Variants in RPS6KA2 observed in about 807,000 individuals in gnomAD.
RPS6KA2 encodes ribosomal protein S6 kinase alpha-2.
In RPS6KA2, 42 loss-of-function variants were observed where a neutral mutation model predicts 91.8. The ratio of observed to expected loss-of-function variants is 0.46; its 90% CI spans 0.36 to 0.59. The LOEUF (loss-of-function observed/expected upper bound fraction) is 0.59. Among genes scored for constraint, RPS6KA2 ranks in the 20% least tolerant of loss-of-function variants. RPS6KA2 has a pLI of 0.00. For missense variants in RPS6KA2, 798 were observed against 978.5 expected (o/e 0.82, Z 2.46); for synonymous variants, 414 against 393.6 (o/e 1.05, Z -0.61).
intron 10 of RPS6KA2, among the ~76,000 whole-genome samples, chr6:166,480,505 ATATATATATAATATATT>A (rs1562523921): frequency 4.2e-5 from 4 of 95,594 alleles, no homozygotes; most frequent in African/African-American, 1.4e-4. Flanking sequence ...ATATATATAT[ATATATATATAATATATT>A]TTTTTTTTTT....
At chr6:166,684,538 T>C (rs1788947186) in intron 2 of RPS6KA2, among the ~76,000 whole-genome samples, 1 of 152,092 alleles carries the variant, frequency 6.6e-6, no homozygotes, top group Admixed American at 6.5e-5. Context: ...CAAGACCCTT[T>C]GAAGGCTAAG....
intron 2 of RPS6KA2, among the ~76,000 whole-genome samples, chr6:166,816,868 C>T (rs940408978): frequency 6.6e-6 from 1 of 152,144 alleles, no homozygotes; most frequent in Non-Finnish European, 1.5e-5. Context: ...GGTAGTGCTC[C>T]ACAGAGCACC....
intron 2 of RPS6KA2, among the ~76,000 whole-genome samples, chr6:166,803,288 T>C (rs1233555441): frequency 6.6e-6 from 1 of 152,246 alleles, no homozygotes; most frequent in Non-Finnish European, 1.5e-5. Flanking sequence ...TTGCATCAAA[T>C]GTATGCAAAA....
chr6:166,844,919 T>G (rs1362211209), intron 2 of RPS6KA2, among the ~76,000 whole-genome samples: 1 of 152,026 alleles, frequency 6.6e-6, no homozygotes, highest in Admixed American at 6.5e-5. Context: ...ATGAAAAGAA[T>G]AGTACCTCAC....
intron 3 of RPS6KA2, among the ~76,000 whole-genome samples, chr6:166,513,432 G>A (rs926016788): frequency 1.8e-4 from 28 of 152,210 alleles, no homozygotes; most frequent in African/African-American, 6.8e-4. Context: ...ACGGAATCAG[G>A]ATTTTATTGC....
chr6:166,862,000 A>C, intron 1 of RPS6KA2: 1 of 1,422,288 alleles, frequency 7.0e-7, no homozygotes, highest in Non-Finnish European at 9.9e-7. Flanking sequence ...CTGACCCATC[A>C]TAGTCACCTA....
At chr6:166,549,247 T>C (rs1422006535) in intron 1 of RPS6KA2, among the ~76,000 whole-genome samples, 1 of 152,260 alleles carries the variant, frequency 6.6e-6, no homozygotes, top group Non-Finnish European at 1.5e-5. Context: ...CCAGCCATTG[T>C]AGAAAACAGT....
intron 2 of RPS6KA2, among the ~76,000 whole-genome samples, chr6:166,797,455 T>C (rs1779255421): frequency 6.6e-6 from 1 of 152,174 alleles, no homozygotes; most frequent in African/African-American, 2.4e-5. Flanking sequence ...TACTGTGGAC[T>C]GGAAGCCTTA....
chr6:166,569,197 C>T (rs1784601927), intron 1 of RPS6KA2, among the ~76,000 whole-genome samples: 1 of 152,218 alleles, frequency 6.6e-6, no homozygotes, highest in Non-Finnish European at 1.5e-5. Flanking sequence ...GCACAATCTT[C>T]AACCCACAGG....
At chr6:166,701,624 A>C (rs1789524056) in intron 2 of RPS6KA2, 3 of 1,321,318 alleles carry the variant, frequency 2.3e-6, no homozygotes, top group Non-Finnish European at 3.3e-6. Context: ...TCGGATTCTG[A>C]TTGCTCAGAC....
chr6:166,812,120 C>T (rs1779651993), intron 2 of RPS6KA2, among the ~76,000 whole-genome samples: 1 of 152,108 alleles, frequency 6.6e-6, no homozygotes, highest in Admixed American at 6.5e-5. Flanking sequence ...TTTGGGAGGC[C>T]AAGACGGGAG....
intron 16 of RPS6KA2, among the ~76,000 whole-genome samples, chr6:166,427,726 C>T (rs930653030): frequency 1.1e-4 from 17 of 152,226 alleles, no homozygotes; most frequent in African/African-American, 3.6e-4. Flanking sequence ...AATAAAATAC[C>T]TAGGAATCCA....
intron 1 of RPS6KA2, among the ~76,000 whole-genome samples, chr6:166,570,013 A>G (rs1350121727): frequency 6.6e-6 from 1 of 152,220 alleles, no homozygotes; most frequent in Non-Finnish European, 1.5e-5. Context: ...AAAACTCTGA[A>G]CTAAAGTACT....
In RPS6KA2 at chr6:166,732,487, G is replaced by A. The variant is rs1362607709; in HGVS notation, c.123+125713C>T. Among the ~76,000 whole-genome samples the A allele has an allele frequency of 3.9e-5, 6 of 152,198 alleles. No individual in the cohort carries two copies. The highest frequency in any genetic ancestry group is 7.3e-5 in the Non-Finnish European group (5 of 68,038). On this transcript the variant is annotated intron_variant, in intron 2 of 21. Coordinates refer to the RPS6KA2 transcript ENST00000503859. The surrounding 1 kb of genome is among the most constrained non-coding windows in gnomAD (Gnocchi z 4.0). ...TTCCATCAGGCTACAAACATCCTGG[G>A]ACAGTGAACCGGGAATCACTGAACC...
At chr6:166,633,017 C>G (rs1248819132) in intron 2 of RPS6KA2, among the ~76,000 whole-genome samples, 2 of 152,212 alleles carry the variant, frequency 1.3e-5, no homozygotes, top group Non-Finnish European at 2.9e-5. Context: ...GAGTTCAAGG[C>G]CAACTTGGGC....
intron 3 of RPS6KA2, among the ~76,000 whole-genome samples, chr6:166,515,843 A>C (rs1326648411): frequency 6.6e-6 from 1 of 152,156 alleles, no homozygotes; most frequent in East Asian, 1.9e-4. Context: ...CACTGAGATA[A>C]ATGCAGATCT....
At chr6:166,641,439 A>G (rs1787428021) in intron 2 of RPS6KA2, among the ~76,000 whole-genome samples, 1 of 152,012 alleles carries the variant, frequency 6.6e-6, no homozygotes, top group African/African-American at 2.4e-5. Context: ...AATTCAATAG[A>G]TTGGCCAGGT....
Position 166,430,538 on chromosome 6 carries a change from A to T in RPS6KA2, c.1496T>A (p.Leu499His). Residue 499 changes from leucine to histidine, a missense_variant, in exon 16 of 21, where the codon CTC becomes CAC. By Grantham distance (99) the Leu-to-His change is moderately conservative. Transcript: ENST00000265678. ...GCGCTCCGAGAAGTATCTCTGCCGG[A>T]GGATGCGGTCCAGGAGCTCCCCACC... ...MRGGELLDRI[L>H]RQRYFSEREA... 2.5e-6 allele frequency: 4 copies of T among 1,614,046 alleles called. No homozygotes were observed. Among genetic ancestry groups the T allele is most frequent in the Non-Finnish European group, 3.4e-6 (4 of 1,180,012 alleles).
chr6:166,607,546 C>T (rs920623096), intron 1 of RPS6KA2, among the ~76,000 whole-genome samples: 4 of 152,086 alleles, frequency 2.6e-5, no homozygotes, highest in South Asian at 2.1e-4. Context: ...TGTATGATTC[C>T]GTTTATATGA....
Sources: allele counts gnomAD v4.1 joint callset (sites outside exome capture counted in the v4.1 genomes callset), GRCh38; gene constraint gnomAD v4.1.1; non-coding constraint Gnocchi (gnomAD v3.1); transcripts MANE v1.5; gene names NCBI Gene and HGNC (gene_info 2026-07-23, HGNC 2026-07-21).